SLIT3: variants seen among roughly 807,000 people sequenced by gnomAD.
The protein encoded by SLIT3 is slit homolog 3 protein.
A neutral mutation model predicts 184.0 loss-of-function variants in SLIT3; 68 were observed. That is an observed-to-expected ratio of 0.37 (90% CI 0.30 to 0.45). SLIT3 has a LOEUF of 0.45. SLIT3 is among the 20% of genes least tolerant of loss of function. The pLI, the probability that SLIT3 is intolerant of heterozygous loss-of-function variation, is 1.00. For synonymous variants in SLIT3, 831 were observed against 828.6 expected (o/e 1.00, Z -0.05); for missense variants, 1,707 against 2,026.0 (o/e 0.84, Z 3.02).
intron 4 of SLIT3, among the ~76,000 whole-genome samples, chr5:169,128,250 T>TTA (rs924655753): frequency 8.7e-4 from 127 of 146,764 alleles, no homozygotes; most frequent in African/African-American, 2.6e-3. Context: ...ACACACACAT[T>TTA]TATATATATA....
chr5:169,027,592 C>T (rs1423699570), intron 4 of SLIT3, among the ~76,000 whole-genome samples: 1 of 152,186 alleles, frequency 6.6e-6, no homozygotes. Flanking sequence ...TTCCTTTTCA[C>T]TCAACTCTCC....
chr5:168,718,817 G>T (rs189180793), intron 23 of SLIT3, among the ~76,000 whole-genome samples: 4 of 150,094 alleles, frequency 2.7e-5, no homozygotes, highest in African/African-American at 9.8e-5. Context: ...CTTTGTCTAC[G>T]CCCAAACTAA....
intron 1 of SLIT3, among the ~76,000 whole-genome samples, chr5:169,281,285 T>C (rs1057488930): frequency 1.3e-5 from 2 of 152,232 alleles, no homozygotes; most frequent in African/African-American, 2.4e-5. Flanking sequence ...GAGACCATCC[T>C]GGCCAACATG....
chr5:168,813,913 G>A (rs1561947024), intron 8 of SLIT3, among the ~76,000 whole-genome samples: 1 of 152,196 alleles, frequency 6.6e-6, no homozygotes, highest in Non-Finnish European at 1.5e-5. Flanking sequence ...TGCCTGGATG[G>A]GGACTGCTGG....
chr5:168,762,613 C>T lies in SLIT3; in HGVS notation c.1536G>A (p.Glu512=), dbSNP rs775210792. ...GGTTGGAGCAGTCCACAATCGTGCC[C>T]TCACAGCGACACTTCTCGGGGCACA... is the stretch of plus-strand genomic sequence containing the variant. ...DLVCPEKCRC[E]GTIVDCSNQK... The change falls in exon 15 of 36, where the codon GAG becomes GAA. Residue 512 remains glutamate (E), a synonymous_variant. Transcript: ENST00000519560. 3 of 1,614,116 alleles carry T rather than the reference C, an allele frequency of 1.9e-6. No individual in the cohort carries two copies. In the South Asian group the frequency reaches 3.3e-5, roughly 18 times the overall value.
intron 3 of SLIT3, among the ~76,000 whole-genome samples, chr5:169,218,769 G>C (rs1764528029): frequency 6.6e-6 from 1 of 152,198 alleles, no homozygotes; most frequent in Non-Finnish European, 1.5e-5. Context: ...CTGAATTCAT[G>C]CTACCCATGG....
In SLIT3 at chr5:168,772,835, G is replaced by A. The variant is rs1394577013; in HGVS notation, c.1405C>T (p.Arg469Ter). The change falls in exon 14 of 36, where the codon CGA becomes TGA. Residue 469 changes from arginine (R) to a stop codon, truncating the protein, a stop_gained. Coordinates refer to ENST00000519560, the MANE Select transcript of SLIT3 (RefSeq NM_003062.4). LOFTEE classifies it high-confidence loss of function. Reference sequence around the variant, plus strand: ...TGGCTGATGCGCTTGTTGGCGAGTCGGCGCGGGCTGCTGCAGCGGGCCCCG... The same window carrying A: ...TGGCTGATGCGCTTGTTGGCGAGTCAGCGCGGGCTGCTGCAGCGGGCCCCG... Reference protein sequence around the residue: ...TSGARCSSPRRLANKRISQIK... With the variant: ...TSGARCSSPR 1.2e-6 allele frequency: 2 copies of A among 1,613,984 alleles called. No homozygotes were observed. The highest frequency in any genetic ancestry group is 1.3e-5 in the African/African-American group (1 of 74,924).
intron 28 of SLIT3, 118 bp downstream of exon 28, chr5:168,696,174 T>C: frequency 7.8e-7 from 1 of 1,285,510 alleles, no homozygotes; most frequent in Admixed American, 1.7e-5. Context: ...ATCACAGTCT[T>C]GGGGTCTTAG....
intron 4 of SLIT3, among the ~76,000 whole-genome samples, chr5:168,887,779 C>T (rs1379039617): frequency 6.6e-6 from 1 of 152,094 alleles, no homozygotes; most frequent in Non-Finnish European, 1.5e-5. Context: ...CCTAGAACAC[C>T]GTAGGCACTC....
At chr5:169,240,349 AT>A (rs955669773) in intron 3 of SLIT3, among the ~76,000 whole-genome samples, 8 of 151,686 alleles carry the variant, frequency 5.3e-5, no homozygotes, top group Non-Finnish European at 1.2e-4. Flanking sequence ...CTTAACTATG[AT>A]TATAAATTTG....
intron 4 of SLIT3, among the ~76,000 whole-genome samples, chr5:168,977,304 C>T (rs145306472): frequency 1.4e-4 from 21 of 152,278 alleles, no homozygotes; most frequent in Middle Eastern, 6.8e-3. Context: ...CCTGCCCCAT[C>T]GCAAGACCTA....
chr5:168,941,366 C>T (rs1291036286), intron 4 of SLIT3, among the ~76,000 whole-genome samples: 1 of 152,170 alleles, frequency 6.6e-6, no homozygotes, highest in Admixed American at 6.5e-5. Context: ...GTCATTTCAT[C>T]CTTCCCACAC....
At chr5:168,679,318 A>C (rs1172269828) in intron 32 of SLIT3, among the ~76,000 whole-genome samples, 1 of 152,150 alleles carries the variant, frequency 6.6e-6, no homozygotes, top group Non-Finnish European at 1.5e-5. Flanking sequence ...TTGGCTTCCA[A>C]GAATGCTGGA....
chr5:169,034,351 C>G (rs1003253833), intron 4 of SLIT3, among the ~76,000 whole-genome samples: 2 of 152,116 alleles, frequency 1.3e-5, no homozygotes, highest in Non-Finnish European at 2.9e-5. Context: ...GCTTTTTCCC[C>G]GTGTTCTCTT....
At chr5:168,847,978 G>C (rs1758538292) in intron 5 of SLIT3, among the ~76,000 whole-genome samples, 1 of 152,174 alleles carries the variant, frequency 6.6e-6, no homozygotes, top group South Asian at 2.1e-4. Flanking sequence ...TCTGCAAAAA[G>C]GGCTTTGGAA....
At chr5:168,676,417 A>T (rs897671953) in intron 32 of SLIT3, among the ~76,000 whole-genome samples, 34 of 152,306 alleles carry the variant, frequency 2.2e-4, no homozygotes, top group African/African-American at 7.5e-4. Context: ...AAAAGAGTCC[A>T]CTGAGGAATC....
At chr5:168,701,227 GC>G (rs1421699622) in intron 26 of SLIT3, among the ~76,000 whole-genome samples, 2 of 152,200 alleles carry the variant, frequency 1.3e-5, no homozygotes, top group African/African-American at 4.8e-5. Flanking sequence ...ATTACCATGA[GC>G]CTCACTGAAC....
At position 168,753,010 on chromosome 5, in the gene SLIT3, G is replaced by A. The variant is rs751014310; in HGVS notation, c.1918C>T (p.Arg640Trp). ...GCCCCAGGGGTGATGGTGGTGATCCGATTGTCATAGAGGGACAGCAGTCTC... is the reference window on the plus strand; with the variant it reads ...GCCCCAGGGGTGATGGTGGTGATCCAATTGTCATAGAGGGACAGCAGTCTC... ...SVRLLSLYDN[R>W]ITTITPGAFT... Residue 640 changes from arginine to tryptophan, a missense_variant, in exon 18 of 36, where the codon CGG (arginine) becomes TGG (tryptophan). Transcript: ENST00000519560. 11 of 1,614,014 alleles carry A rather than the reference G, an allele frequency of 6.8e-6. 1 individual carries two copies. Among genetic ancestry groups the A allele is most frequent in the Non-Finnish European group, 9.3e-6 (11 of 1,179,952 alleles).
At position 168,724,422 on chromosome 5, in the gene SLIT3, G is replaced by A. The variant is rs144594798; in HGVS notation, c.2333C>T (p.Thr778Met). 8.7e-4 allele frequency: 1,409 copies of A among 1,612,358 alleles called. 4 individuals carry two copies. Among genetic ancestry groups the A allele is most frequent in the Non-Finnish European group, 1.0e-3 (1,199 of 1,178,904 alleles). ...PRELSALRHL[T>M]LIDLSNNSIS... ...CCAATACTGGGCTCCTTACATAAGC[G>A]TCAGGTGTCGGAGGGCGGACAGCTC... The change falls in exon 21 of 36, where the codon ACG becomes ATG. Residue 778 changes from threonine to methionine, a missense_variant. Physicochemically the swap from Thr to Met is moderately conservative, Grantham distance 81. Around this residue, in one of 3 missense-constraint regions of SLIT3, gnomAD observed 1,307 missense variants for 1,511.6 expected, o/e 0.86. Transcript: ENST00000519560.
Sources: allele counts gnomAD v4.1 joint callset (sites outside exome capture counted in the v4.1 genomes callset), GRCh38; gene constraint gnomAD v4.1.1; regional missense constraint gnomAD v4.1.1; transcripts MANE v1.5; gene names NCBI Gene and HGNC (gene_info 2026-07-23, HGNC 2026-07-21).